Variants in CA10 observed in about 807,000 individuals in gnomAD.
CA10 encodes carbonic anhydrase 10 (inactive).
A neutral mutation model predicts 44.2 loss-of-function variants in CA10; 14 were observed. The observed-to-expected ratio is 0.32, with a 90% CI of 0.21 to 0.50. The LOEUF (loss-of-function observed/expected upper bound fraction) is 0.50, where lower values mean the gene tolerates loss of function less well. Ranked by LOEUF, CA10 falls within the 20% of genes least tolerant of loss-of-function variation. CA10 has a pLI of 0.99. For missense variants in CA10, 350 were observed against 409.7 expected, an observed-to-expected ratio of 0.85 and a Z score of 1.26; for synonymous variants, 159 against 141.6, an observed-to-expected ratio of 1.12 and a Z score of -0.87.
At chr17:52,017,226 A>C (rs1316359809) in intron 2 of CA10, among the ~76,000 whole-genome samples, 3 of 152,166 alleles carry the variant, frequency 2.0e-5, no homozygotes, top group Non-Finnish European at 4.4e-5. Context: ...ATGTGGAAGC[A>C]GCTTTGGGAC....
intron 3 of CA10, 79 bp from the exon 4 acceptor site, chr17:51,747,897 A>C: frequency 8.9e-7 from 1 of 1,118,876 alleles, no homozygotes; most frequent in Non-Finnish European, 1.3e-6. Flanking sequence ...TGCTTGGATC[A>C]ACACCTTTTG....
intron 3 of CA10, among the ~76,000 whole-genome samples, chr17:51,850,552 T>A (rs9905325): frequency 0.063 from 9,540 of 152,230 alleles, 633 homozygotes; most frequent in African/African-American, 0.17. Flanking sequence ...ATTCTCTCAC[T>A]TCAGCCTCCC....
At chr17:52,106,258 T>A (rs1266098729) in intron 1 of CA10, among the ~76,000 whole-genome samples, 2 of 152,208 alleles carry the variant, frequency 1.3e-5, no homozygotes, top group African/African-American at 4.8e-5. Flanking sequence ...ACGGGGCCAT[T>A]CATTCCGTTT....
Position 51,701,768 on chromosome 17 carries a change from T to G in CA10, c.465+45865A>C, listed in dbSNP as rs77307997. On this transcript the variant is annotated intron_variant, in intron 4 of 8. Transcript: ENST00000451037. ...AATCCTATTTTGACAAATTAGACAT[T>G]CTATCAAACTTTCTAGCTTGCATTC... Among the ~76,000 whole-genome samples, 1,041 of 152,316 alleles carry G rather than the reference T, an allele frequency of 6.8e-3. 16 individuals are homozygous for G. Among genetic ancestry groups the G allele is most frequent in the African/African-American group, 0.024 (1,004 of 41,574 alleles).
chr17:52,159,836 G>A (rs1356736197), upstream of CA10: 1 of 152,262 alleles, frequency 6.6e-6, no homozygotes, highest in African/African-American at 2.4e-5. Context: ...TGCCTAAGAG[G>A]GCTGGGAACG....
intron 2 of CA10, among the ~76,000 whole-genome samples, chr17:52,013,698 T>C (rs966204688): frequency 6.6e-6 from 1 of 152,030 alleles, no homozygotes; most frequent in Non-Finnish European, 1.5e-5. Context: ...ATTGACTTCC[T>C]GTTTTGTTTT....
At chr17:52,130,122 A>C (rs1400312098) in intron 1 of CA10, among the ~76,000 whole-genome samples, 1 of 152,236 alleles carries the variant, frequency 6.6e-6, no homozygotes, top group Non-Finnish European at 1.5e-5. Flanking sequence ...TATTCATGTT[A>C]GAATGTCTCT....
chr17:52,086,072 G>A (rs561934533), intron 1 of CA10, among the ~76,000 whole-genome samples: 48 of 152,168 alleles, frequency 3.2e-4, no homozygotes, highest in Admixed American at 2.4e-3. Flanking sequence ...TTAATATTTA[G>A]AACATACTCA....
At chr17:52,149,380 A>G (rs1045789619) in intron 1 of CA10, among the ~76,000 whole-genome samples, 1 of 152,174 alleles carries the variant, frequency 6.6e-6, no homozygotes, top group East Asian at 1.9e-4. Context: ...ACCTTTGATA[A>G]TCTCTCCACT....
intron 3 of CA10, among the ~76,000 whole-genome samples, chr17:51,874,030 C>T (rs954629788): frequency 6.6e-6 from 1 of 152,132 alleles, no homozygotes; most frequent in African/African-American, 2.4e-5. Flanking sequence ...ACTTGTCAAC[C>T]CTCCTTTGTC....
chr17:51,937,132 C>T (rs762487345), intron 2 of CA10, among the ~76,000 whole-genome samples: 6 of 152,138 alleles, frequency 3.9e-5, no homozygotes, highest in East Asian at 1.9e-4. Context: ...GGAAAATGAA[C>T]GCTGGCATAA....
chr17:51,886,262 T>TA (rs1416507395), intron 3 of CA10, among the ~76,000 whole-genome samples: 1 of 152,204 alleles, frequency 6.6e-6, no homozygotes, highest in Non-Finnish European at 1.5e-5. Context: ...GGAGTGGCTA[T>TA]AAAAACTGCA....
At chr17:52,125,839 CTGAT>C (rs893657335) in intron 1 of CA10, among the ~76,000 whole-genome samples, 4 of 151,932 alleles carry the variant, frequency 2.6e-5, no homozygotes, top group African/African-American at 9.7e-5. Context: ...TTGGGGGTGA[CTGAT>C]TGAGGGTGAC....
chr17:51,907,559 C>T (rs954581174), intron 3 of CA10, among the ~76,000 whole-genome samples: 1 of 152,068 alleles, frequency 6.6e-6, no homozygotes, highest in African/African-American at 2.4e-5. Context: ...ACTTATTCCC[C>T]CAACTGCTGG....
chr17:52,033,374 G>T (rs1986524273), intron 2 of CA10, among the ~76,000 whole-genome samples: 1 of 152,176 alleles, frequency 6.6e-6, no homozygotes, highest in African/African-American at 2.4e-5. Flanking sequence ...TCACCGAAGT[G>T]TCTAATAAAA....
At chr17:51,702,929 T>G (rs2143465121) in intron 4 of CA10, among the ~76,000 whole-genome samples, 1 of 152,342 alleles carries the variant, frequency 6.6e-6, no homozygotes, top group Admixed American at 6.5e-5. Flanking sequence ...CTCTGGTGGC[T>G]CCCTTACCCA....
At chr17:51,786,217 T>G (rs1906273709) in intron 3 of CA10, among the ~76,000 whole-genome samples, 1 of 149,682 alleles carries the variant, frequency 6.7e-6, no homozygotes, top group African/African-American at 2.5e-5. Context: ...TGTGTGTCTG[T>G]GTGTGTGTGT....
At chr17:52,092,160 CTGTT>C (rs1383729035) in intron 1 of CA10, among the ~76,000 whole-genome samples, 1 of 152,086 alleles carries the variant, frequency 6.6e-6, no homozygotes, top group Non-Finnish European at 1.5e-5. Flanking sequence ...CTATGAGTGT[CTGTT>C]TGTATTTTTC....
chr17:51,842,353 C>T (rs892726955), intron 3 of CA10, among the ~76,000 whole-genome samples: 4 of 152,030 alleles, frequency 2.6e-5, no homozygotes, highest in African/African-American at 9.7e-5. Context: ...TTATGGATGG[C>T]GTGACACAAT....
Sources: gnomAD v4.1 joint callset for allele counts (sites outside exome capture counted in the v4.1 genomes callset) on GRCh38, gnomAD v4.1.1 for gene constraint, MANE v1.5 for transcripts, NCBI Gene and HGNC (gene_info 2026-07-23, HGNC 2026-07-21) for gene names.